SRGAP2C: variants seen among roughly 807,000 people sequenced by gnomAD.
SRGAP2C encodes SLIT-ROBO Rho GTPase-activating protein 2C.
In SRGAP2C, 15 loss-of-function variants were observed where a neutral mutation model predicts 25.1. That is an observed-to-expected ratio of 0.60 (90% CI 0.40 to 0.92). SRGAP2C has a LOEUF of 0.92. Among genes scored for constraint, SRGAP2C ranks in the 40% least tolerant of loss-of-function variants. SRGAP2C has a pLI of 0.00. For missense variants in SRGAP2C, 144 were observed against 264.4 expected, an observed-to-expected ratio of 0.54 and a Z score of 3.16; for synonymous variants, 44 against 96.6, an observed-to-expected ratio of 0.46 and a Z score of 3.19.
intron 2 of SRGAP2C, among the ~76,000 whole-genome samples, chr1:121,222,764 C>T (rs1655562677): frequency 6.6e-6 from 1 of 152,096 alleles, no homozygotes; most frequent in African/African-American, 2.4e-5. Context: ...GAGTGGCTAG[C>T]CCTTGTTTTC....
chr1:121,240,207 G>T, intron 2 of SRGAP2C, among the ~76,000 whole-genome samples: 1 of 123,888 alleles, frequency 8.1e-6, no homozygotes, highest in Non-Finnish European at 1.7e-5. Context: ...ACAGAAGGAG[G>T]ACTGTAGATG....
chr1:121,268,423 C>T (rs797027411), intron 2 of SRGAP2C, among the ~76,000 whole-genome samples: 1 of 152,006 alleles, frequency 6.6e-6, no homozygotes, highest in Non-Finnish European at 1.5e-5. Flanking sequence ...AAAGCCATTA[C>T]CTTTTCTCCA....
intron 4 of SRGAP2C, among the ~76,000 whole-genome samples, chr1:121,339,252 CTTTTTTTTTTTTTT>C (rs1185472819): frequency 2.2e-5 from 2 of 89,636 alleles, no homozygotes; most frequent in Non-Finnish European, 4.2e-5. Flanking sequence ...GCTATGTTGT[CTTTTTTTTTTTTTT>C]TTTTTTGGAG....
chr1:121,204,561 C>T (rs1279088291), intron 2 of SRGAP2C, among the ~76,000 whole-genome samples: 11 of 152,012 alleles, frequency 7.2e-5, no homozygotes, highest in Non-Finnish European at 8.8e-5. Flanking sequence ...TGCCCGGCCT[C>T]AGAGTAGTTC....
chr1:121,264,760 C>T (rs1247855401), intron 2 of SRGAP2C, among the ~76,000 whole-genome samples: 1 of 145,520 alleles, frequency 6.9e-6, no homozygotes, highest in Non-Finnish European at 1.5e-5. Context: ...GGGCTTTTTA[C>T]ATTGCAATTA....
At chr1:121,329,220 GAAGA>G (rs1658383934) in intron 4 of SRGAP2C, among the ~76,000 whole-genome samples, 1 of 151,766 alleles carries the variant, frequency 6.6e-6, no homozygotes. Flanking sequence ...CAGAAAAAAA[GAAGA>G]GAGAGAGAGA....
At chr1:121,332,543 CT>C (rs1345784592) in intron 4 of SRGAP2C, among the ~76,000 whole-genome samples, 4 of 152,122 alleles carry the variant, frequency 2.6e-5, no homozygotes, top group African/African-American at 7.2e-5. Context: ...TAATACTTTT[CT>C]CCAGGGTCTT....
At chr1:121,323,677 C>T (rs1287926580) in intron 3 of SRGAP2C, among the ~76,000 whole-genome samples, 3 of 133,580 alleles carry the variant, frequency 2.2e-5, no homozygotes, top group African/African-American at 5.8e-5. Flanking sequence ...TACTGCTCCA[C>T]TCAAGCTGTA....
intron 3 of SRGAP2C, among the ~76,000 whole-genome samples, chr1:121,298,359 T>C (rs1657640030): frequency 6.6e-6 from 1 of 150,852 alleles, no homozygotes; most frequent in African/African-American, 2.4e-5. Context: ...AAAGATATAC[T>C]GTTGAGGCCC....
At chr1:121,325,283 T>TTA (rs1204665213) in intron 4 of SRGAP2C, among the ~76,000 whole-genome samples, 48 of 152,022 alleles carry the variant, frequency 3.2e-4, no homozygotes, top group African/African-American at 1.1e-3. Flanking sequence ...AACTCAATTG[T>TTA]TATCGTACTT....
intron 2 of SRGAP2C, among the ~76,000 whole-genome samples, chr1:121,211,864 G>A (rs1553323830): frequency 8.2e-6 from 1 of 121,428 alleles, no homozygotes; most frequent in Non-Finnish European, 1.7e-5. Flanking sequence ...CTGCCTGTTG[G>A]TGAAGTGTAT....
chr1:121,278,130 A>G (rs1344768508), intron 2 of SRGAP2C, among the ~76,000 whole-genome samples: 4 of 151,866 alleles, frequency 2.6e-5, no homozygotes, highest in Admixed American at 2.6e-4. Context: ...AAAAATTTGT[A>G]GAGCTGGGAT....
intron 3 of SRGAP2C, among the ~76,000 whole-genome samples, chr1:121,287,203 C>T (rs1187122101): frequency 1.9e-5 from 1 of 52,130 alleles, no homozygotes; most frequent in African/African-American, 6.7e-5. Flanking sequence ...AAATTAGTGC[C>T]AAGTGTATCT....
chr1:121,337,645 A>ATAAATAAC (rs1658546833), intron 4 of SRGAP2C, among the ~76,000 whole-genome samples: 1 of 149,700 alleles, frequency 6.7e-6, no homozygotes, highest in South Asian at 2.1e-4. Flanking sequence ...AAATAAATAA[A>ATAAATAAC]TAAATAAATA....
At chr1:121,249,571 TATA>T (rs1467972021) in intron 2 of SRGAP2C, among the ~76,000 whole-genome samples, 6 of 23,860 alleles carry the variant, frequency 2.5e-4, no homozygotes, top group African/African-American at 1.1e-3. Context: ...TATATATATA[TATA>T]TATATATTTT....
At chr1:121,198,868 G>A (rs1488126814) in intron 2 of SRGAP2C, among the ~76,000 whole-genome samples, 4 of 151,478 alleles carry the variant, frequency 2.6e-5, no homozygotes, top group African/African-American at 9.7e-5. Flanking sequence ...GATCCTAAGG[G>A]AAAGTGCTGG....
chr1:121,186,497 C>G (rs1553318919), intron 1 of SRGAP2C, among the ~76,000 whole-genome samples: 1 of 126,328 alleles, frequency 7.9e-6, no homozygotes, highest in South Asian at 2.7e-4. Flanking sequence ...TTGTCCCTCC[C>G]CGGCTTTGAT....
At chr1:121,335,386 A>T (rs1168212777) in intron 4 of SRGAP2C, among the ~76,000 whole-genome samples, 1,251 of 141,044 alleles carry the variant, frequency 8.9e-3, no homozygotes, top group South Asian at 0.012. Flanking sequence ...AAATAAATAA[A>T]TAAAACAACC....
At position 121,284,964 on chromosome 1, in the gene SRGAP2C, A is replaced by C; in HGVS notation, c.229A>C (p.Lys77Gln). Residue 77 changes from lysine (K) to glutamine (Q), a missense_variant, in exon 3 of 10, where the codon AAG (lysine) becomes CAG (glutamine). Lys to Gln is a moderately conservative substitution (Grantham distance 53). This residue lies in a region of SRGAP2C where 61 missense variants were observed against 61.7 expected (regional missense o/e 0.99). Coordinates refer to ENST00000367123, the MANE Select transcript of SRGAP2C (RefSeq NM_001329984.2). Reference sequence around the variant, plus strand: ...GAAGCTGGCAGAACACTTCCTGGCCAAGACACGCAGCACCAAGGACCAGCA... The same window carrying C: ...GAAGCTGGCAGAACACTTCCTGGCCCAGACACGCAGCACCAAGGACCAGCA... ...LEKLAEHFLA[K>Q]TRSTKDQQFK... The C allele has an allele frequency of 6.5e-7, 1 of 1,546,316 alleles. No individual in the cohort carries two copies. The highest frequency in any genetic ancestry group is 8.7e-7 in the Non-Finnish European group (1 of 1,144,554).
Sources: gnomAD v4.1 joint callset for allele counts (sites outside exome capture counted in the v4.1 genomes callset) on GRCh38, gnomAD v4.1.1 for gene constraint, gnomAD v4.1.1 regional missense constraint, MANE v1.5 for transcripts, NCBI Gene and HGNC (gene_info 2026-07-23, HGNC 2026-07-21) for gene names.